Variants in ARHGEF33 observed in about 807,000 individuals in gnomAD.
The protein encoded by ARHGEF33 is Rho guanine nucleotide exchange factor 33.
Under a neutral mutation model 101.9 loss-of-function variants are expected in ARHGEF33, and 72 were observed. The observed-to-expected ratio is 0.71, with a 90% CI of 0.58 to 0.86. The LOEUF is 0.86. Ranked by LOEUF, ARHGEF33 falls within the 40% of genes least tolerant of loss-of-function variation. The pLI, the probability that ARHGEF33 is intolerant of heterozygous loss-of-function variation, is 0.00. For synonymous variants in ARHGEF33, 499 were observed against 442.5 expected (o/e 1.13, Z -1.60); for missense variants, 1,169 against 1,111.3 (o/e 1.05, Z -0.74).
chr2:38,958,072 A>G lies in ARHGEF33; in HGVS notation c.1409A>G (p.Gln470Arg). The part of the protein sequence containing the change: ...MAKLYKGLAS[Q>R]CANAGQDASP... ...AAGCTGTACAAAGGGCTGGCTTCCCAGTGTGCCAATGCTGGGCAAGATGCT... is the reference window on the plus strand; with the variant it reads ...AAGCTGTACAAAGGGCTGGCTTCCCGGTGTGCCAATGCTGGGCAAGATGCT... The change falls in exon 15 of 18, where the codon CAG becomes CGG. Residue 470 changes from glutamine to arginine, a missense_variant. By Grantham distance (43) the Gln-to-Arg change is conservative. Transcript: ENST00000409978. The G allele has an allele frequency of 1.9e-6, 3 of 1,552,234 alleles. No individual in the cohort carries two copies. The highest frequency in any genetic ancestry group is 2.6e-6 in the Non-Finnish European group (3 of 1,147,134).
intron 4 of ARHGEF33, among the ~76,000 whole-genome samples, chr2:38,923,770 A>G (rs1316808026): frequency 1.3e-5 from 2 of 152,194 alleles, no homozygotes; most frequent in African/African-American, 4.8e-5. Flanking sequence ...TCTTTGGAAA[A>G]AGAGAAGAGA....
At chr2:38,971,238 C>A (rs1268320445) in intron 17 of ARHGEF33, among the ~76,000 whole-genome samples, 1 of 152,204 alleles carries the variant, frequency 6.6e-6, no homozygotes, top group South Asian at 2.1e-4. Flanking sequence ...TTGGTATGAC[C>A]TACTGAATTT....
At chr2:38,945,374 A>C (rs1214932724) in intron 10 of ARHGEF33, among the ~76,000 whole-genome samples, 1 of 152,228 alleles carries the variant, frequency 6.6e-6, no homozygotes, top group Non-Finnish European at 1.5e-5. Context: ...GCCTATTTTC[A>C]AGAGTTATTT....
At position 38,951,082 on chromosome 2, in the gene ARHGEF33, C is replaced by T. The variant is rs776933047; in HGVS notation, c.1014C>T (p.Gly338=). 11 of 1,551,812 alleles carry T rather than the reference C, an allele frequency of 7.1e-6. No individual in the cohort carries two copies. The East Asian group carries it at 7.3e-5, about 10-fold the overall frequency. ...QERVLKWPRQ[G]VLGDLFLKLT... ...GGGTCCTGAAGTGGCCACGCCAAGG[C>T]GTTCTTGGAGATTTATTCCTTAAGT... is the stretch of plus-strand genomic sequence containing the variant. Residue 338 remains glycine, a synonymous_variant, in exon 11 of 18, where the codon GGC becomes GGT. Coordinates refer to ENST00000409978, the MANE Select transcript of ARHGEF33 (RefSeq NM_001145451.5).
chr2:38,891,607 T>C (rs897430888), intron 1 of ARHGEF33, among the ~76,000 whole-genome samples: 5 of 152,180 alleles, frequency 3.3e-5, no homozygotes, highest in African/African-American at 1.2e-4. Context: ...AGACTTTGAT[T>C]TTAGGACTGG....
chr2:38,973,070 T>C (rs1242033231), intron 17 of ARHGEF33: 7 of 152,262 alleles, frequency 4.6e-5, no homozygotes, highest in Non-Finnish European at 1.0e-4. Context: ...CCCAAGTGGC[T>C]TAAGCAAGAT....
At chr2:38,910,171 A>G (rs943932242) in intron 2 of ARHGEF33, among the ~76,000 whole-genome samples, 2 of 152,082 alleles carry the variant, frequency 1.3e-5, no homozygotes, top group Admixed American at 1.3e-4. Flanking sequence ...CTCTTTTAAT[A>G]TTTTCTGCAG....
chr2:38,959,901 G>A lies in ARHGEF33; in HGVS notation c.1596G>A (p.Gln532=). ...QQQQSLMESM[Q]PGKPSDWELE... Reference sequence around the variant, plus strand: ...AGCAAAGCCTGATGGAGAGCATGCAGCCCGGGAAGCCCAGTGACTGGGAGC... The same window carrying A: ...AGCAAAGCCTGATGGAGAGCATGCAACCCGGGAAGCCCAGTGACTGGGAGC... The change falls in exon 16 of 18, where the codon CAG becomes CAA. Residue 532 remains glutamine (Q), a synonymous_variant. Coordinates refer to ENST00000409978, the MANE Select transcript of ARHGEF33 (RefSeq NM_001145451.5). 6.4e-7 allele frequency: 1 copy of A among 1,551,890 alleles called. No individual in the cohort carries two copies. Among genetic ancestry groups the A allele is most frequent in the Non-Finnish European group, 8.7e-7 (1 of 1,146,946 alleles).
At chr2:38,913,391 T>C (rs1463381702) in intron 2 of ARHGEF33, among the ~76,000 whole-genome samples, 1 of 152,188 alleles carries the variant, frequency 6.6e-6, no homozygotes, top group Non-Finnish European at 1.5e-5. Context: ...GTAATTGAAG[T>C]TTTTATAGGT....
intron 17 of ARHGEF33, among the ~76,000 whole-genome samples, chr2:38,968,599 C>T (rs966629099): frequency 6.6e-6 from 1 of 152,182 alleles, no homozygotes; most frequent in African/African-American, 2.4e-5. Context: ...TCGGGATTCT[C>T]CTTAGATAAA....
chr2:38,940,431 C>CTT (rs752151423), intron 9 of ARHGEF33, among the ~76,000 whole-genome samples: 5 of 142,480 alleles, frequency 3.5e-5, no homozygotes, highest in Admixed American at 7.1e-5. Context: ...GCCCAGCCAT[C>CTT]TTTTTTTTTT....
At chr2:38,904,364 G>A (rs1266844373) in intron 2 of ARHGEF33, among the ~76,000 whole-genome samples, 1 of 152,156 alleles carries the variant, frequency 6.6e-6, no homozygotes, top group Non-Finnish European at 1.5e-5. Context: ...GGAGGGGCAG[G>A]CCAGGGACAT....
At chr2:38,910,664 G>A (rs1156715644) in intron 2 of ARHGEF33, among the ~76,000 whole-genome samples, 1 of 152,178 alleles carries the variant, frequency 6.6e-6, no homozygotes, top group Admixed American at 6.6e-5. Context: ...CTCTGAATTG[G>A]TGGTTACATC....
At position 38,903,244 on chromosome 2, in the gene ARHGEF33, A is replaced by G. The variant is rs181834557; in HGVS notation, c.-86+7395A>G. Among the ~76,000 whole-genome samples, 3 of 152,340 alleles carry G rather than the reference A, an allele frequency of 2.0e-5. No individual in the cohort carries two copies. The East Asian group carries it at 5.8e-4, about 29-fold the overall frequency. ...ATGGACAATTAATAGTACATTAAAA[A>G]AAACTATGATAACTGAATTTACAGG... On this transcript the variant is annotated intron_variant, in intron 2 of 17. Transcript: ENST00000409978.
At chr2:38,909,883 C>G (rs1043885444) in intron 2 of ARHGEF33, among the ~76,000 whole-genome samples, 2 of 151,860 alleles carry the variant, frequency 1.3e-5, no homozygotes, top group African/African-American at 4.8e-5. Flanking sequence ...TTAATTAATT[C>G]TATTAATAGT....
chr2:38,898,268 G>A (rs1211342574), intron 2 of ARHGEF33, among the ~76,000 whole-genome samples: 3 of 152,182 alleles, frequency 2.0e-5, no homozygotes, highest in African/African-American at 7.2e-5. Context: ...CTTTTACAAA[G>A]GAAGTTGGGA....
intron 8 of ARHGEF33, chr2:38,937,132 C>G (rs1256397502): frequency 5.5e-5 from 27 of 487,884 alleles, no homozygotes; most frequent in South Asian, 5.2e-4. Context: ...GTAGCTGGGA[C>G]TACAGGTGCC....
chr2:38,890,687 C>A (rs956799126), intron 1 of ARHGEF33, among the ~76,000 whole-genome samples: 1 of 152,160 alleles, frequency 6.6e-6, no homozygotes, highest in South Asian at 2.1e-4. Flanking sequence ...ATGTAGAAAT[C>A]TCTATATCAC....
At chr2:38,918,875 T>TAA (rs1267543040) in intron 2 of ARHGEF33, among the ~76,000 whole-genome samples, 2 of 75,202 alleles carry the variant, frequency 2.7e-5, no homozygotes, top group Admixed American at 1.7e-4. Context: ...ACCCCATCTC[T>TAA]ACAAAAAAAA....
Sources: allele counts gnomAD v4.1 joint callset (sites outside exome capture counted in the v4.1 genomes callset), GRCh38; gene constraint gnomAD v4.1.1; transcripts MANE v1.5; gene names NCBI Gene and HGNC (gene_info 2026-07-23, HGNC 2026-07-21).